The following TMC1 variants were observed in gnomAD, a reference collection of about 807,000 sequenced individuals.
TMC1 encodes the protein transmembrane channel-like protein 1.
TMC1 carries 84 observed loss-of-function variants against 105.8 expected under a neutral mutation model. That is an observed-to-expected ratio of 0.79 (90% CI 0.67 to 0.95). TMC1 has a LOEUF of 0.95. Among genes scored for constraint, TMC1 ranks in the 40% least tolerant of loss-of-function variants. The pLI is 0.00. For missense variants in TMC1, 817 were observed against 914.1 expected (o/e 0.89, Z 1.37); for synonymous variants, 315 against 311.5 (o/e 1.01, Z -0.12).
Position 72,549,614 on chromosome 9 carries a change from T to G in TMC1, c.-428+27701T>G, listed in dbSNP as rs577243535. Among the ~76,000 whole-genome samples, 3 of 150,012 alleles carry G rather than the reference T, an allele frequency of 2.0e-5. No homozygotes were observed. In the South Asian group the frequency reaches 6.4e-4, roughly 32 times the overall value. On this transcript the variant is annotated intron_variant, in intron 1 of 23. Coordinates refer to ENST00000297784, the MANE Select transcript of TMC1 (RefSeq NM_138691.3). ...CGTACCACCACATCTGGCTATTTTTTTTTTTTTTTTTTTTGAGACGAAGTC... is the reference window on the plus strand; with the variant it reads ...CGTACCACCACATCTGGCTATTTTTGTTTTTTTTTTTTTTGAGACGAAGTC...
chr9:72,794,991 C>G (rs1588087083), intron 17 of TMC1, among the ~76,000 whole-genome samples: 1 of 152,100 alleles, frequency 6.6e-6, no homozygotes, highest in East Asian at 1.9e-4. Flanking sequence ...CAATCACAAG[C>G]ATTAACAGTA....
chr9:72,696,642 C>T (rs957361070), intron 7 of TMC1, among the ~76,000 whole-genome samples: 3 of 151,998 alleles, frequency 2.0e-5, no homozygotes, highest in African/African-American at 7.3e-5. Flanking sequence ...CATTTGAAAC[C>T]AACTAAAACC....
chr9:72,719,121 C>T (rs983588286), intron 8 of TMC1, among the ~76,000 whole-genome samples: 24 of 152,198 alleles, frequency 1.6e-4, no homozygotes, highest in African/African-American at 5.6e-4. Flanking sequence ...AGGTTACCAG[C>T]CTCCTGGTTG....
chr9:72,699,096 T>C (rs1254598823), intron 7 of TMC1, among the ~76,000 whole-genome samples: 1 of 152,160 alleles, frequency 6.6e-6, no homozygotes, highest in Non-Finnish European at 1.5e-5. Flanking sequence ...GTGTTTGAAG[T>C]TGGGACAATA....
intron 7 of TMC1, among the ~76,000 whole-genome samples, chr9:72,698,233 T>C (rs976278115): frequency 6.6e-6 from 1 of 152,168 alleles, no homozygotes; most frequent in African/African-American, 2.4e-5. Context: ...ATGATTATTC[T>C]AAGCAAAATG....
chr9:72,743,119 G>A (rs1827419418), intron 10 of TMC1, among the ~76,000 whole-genome samples: 1 of 152,042 alleles, frequency 6.6e-6, no homozygotes, highest in Non-Finnish European at 1.5e-5. Flanking sequence ...TGTAATCCCA[G>A]CACTTTGGGA....
At chr9:72,608,378 A>G (rs915372523) in intron 2 of TMC1, among the ~76,000 whole-genome samples, 3 of 152,328 alleles carry the variant, frequency 2.0e-5, no homozygotes, top group South Asian at 2.1e-4. Context: ...ATTCCATTCT[A>G]CTATTTTAAG....
intron 9 of TMC1, chr9:72,741,519 T>C (rs762713783): frequency 7.1e-5 from 14 of 197,814 alleles, no homozygotes; most frequent in Admixed American, 5.8e-4. Flanking sequence ...AATTCCTGTC[T>C]TATCCTAGAT....
chr9:72,830,315 CAA>C lies in TMC1; in HGVS notation c.2130-135_2130-134del. The C allele has an allele frequency of 5.7e-6, 4 of 701,502 alleles. 1 individual carries two copies. The highest frequency in any genetic ancestry group is 5.3e-5 in the South Asian group (3 of 56,674). The allele number at this position is 701,502 out of a possible 1,614,324, so 43.5% of individuals were successfully genotyped here. On this transcript the variant is annotated intron_variant, in intron 21 of 23. Coordinates refer to ENST00000297784, the MANE Select transcript of TMC1 (RefSeq NM_138691.3). ...TGGACCTCAGCTTTTATCTATAAGA[CAA>C]GAGATTTAGAGTAGAAGATAGCTTA...
At chr9:72,654,780 C>G (rs1825860357) in intron 5 of TMC1, among the ~76,000 whole-genome samples, 2 of 151,220 alleles carry the variant, frequency 1.3e-5, no homozygotes, top group African/African-American at 2.4e-5. Context: ...ATGTATTTGC[C>G]ATTTTTATTG....
chr9:72,771,875 T>G (rs571151590), intron 12 of TMC1, among the ~76,000 whole-genome samples: 1 of 152,330 alleles, frequency 6.6e-6, no homozygotes, highest in Non-Finnish European at 1.5e-5. Flanking sequence ...AATGCTGTGA[T>G]AGTCTTGATG....
chr9:72,526,473 C>T (rs1300422921), intron 1 of TMC1, among the ~76,000 whole-genome samples: 1 of 152,158 alleles, frequency 6.6e-6, no homozygotes, highest in Non-Finnish European at 1.5e-5. Flanking sequence ...AAAACTTCAT[C>T]TGCCATGGGA....
intron 8 of TMC1, among the ~76,000 whole-genome samples, chr9:72,737,819 A>G (rs1391347571): frequency 2.6e-5 from 4 of 152,194 alleles, no homozygotes; most frequent in Non-Finnish European, 4.4e-5. Context: ...CCATTGCTTT[A>G]TTGGATATTT....
At chr9:72,793,319 C>T (rs921231423) in intron 17 of TMC1, among the ~76,000 whole-genome samples, 3 of 152,174 alleles carry the variant, frequency 2.0e-5, no homozygotes, top group Admixed American at 6.5e-5. Context: ...AACCCACTGG[C>T]TTGGAACTCC....
chr9:72,830,739 T>A, intron 23 of TMC1, 57 bp downstream of exon 23: 15 of 209,938 alleles, frequency 7.1e-5, no homozygotes, highest in East Asian at 1.9e-4. Context: ...TTTTTCTTTC[T>A]TTTTTTTTTT....
intron 23 of TMC1, among the ~76,000 whole-genome samples, chr9:72,833,237 G>A (rs968378437): frequency 2.0e-5 from 3 of 152,026 alleles, no homozygotes; most frequent in Non-Finnish European, 4.4e-5. Context: ...TGATACTTGT[G>A]CATACTTTAA....
chr9:72,531,774 C>A (rs1331668984), intron 1 of TMC1, among the ~76,000 whole-genome samples: 1 of 152,006 alleles, frequency 6.6e-6, no homozygotes, highest in African/African-American at 2.4e-5. Flanking sequence ...ATTTTTTTTA[C>A]CCTCTTGGCC....
chr9:72,731,496 A>G (rs1374127475), intron 8 of TMC1, among the ~76,000 whole-genome samples: 1 of 152,214 alleles, frequency 6.6e-6, no homozygotes. Context: ...ATGAAACAGC[A>G]TATGTAAAAG....
At chr9:72,556,846 C>T (rs185939471) in intron 1 of TMC1, among the ~76,000 whole-genome samples, 69 of 151,272 alleles carry the variant, frequency 4.6e-4, no homozygotes, top group African/African-American at 1.6e-3. Context: ...AACAAACAAA[C>T]AAAAAAATTG....
Sources: allele counts gnomAD v4.1 joint callset (sites outside exome capture counted in the v4.1 genomes callset), GRCh38; gene constraint gnomAD v4.1.1; transcripts MANE v1.5; gene names NCBI Gene and HGNC (gene_info 2026-07-23, HGNC 2026-07-21).